APP: variants seen among roughly 807,000 people sequenced by gnomAD.
The protein encoded by APP is amyloid-beta precursor protein.
Under a neutral mutation model 101.4 loss-of-function variants are expected in APP, and 31 were observed. The ratio of observed to expected loss-of-function variants is 0.31; its 90% CI spans 0.23 to 0.41. The LOEUF is 0.41. Ranked by LOEUF, APP falls within the 10% of genes least tolerant of loss-of-function variation. APP has a pLI of 1.00. For missense variants in APP, 839 were observed against 1,003.7 expected (o/e 0.84, Z 2.22); for synonymous variants, 366 against 364.4 (o/e 1.00, Z -0.05).
intron 17 of APP, among the ~76,000 whole-genome samples, chr21:25,891,099 T>C (rs1049265949): frequency 6.6e-6 from 1 of 152,202 alleles, no homozygotes; most frequent in Non-Finnish European, 1.5e-5. Context: ...TCTTTCTTGT[T>C]TTAGTATAGC....
intron 3 of APP, among the ~76,000 whole-genome samples, chr21:26,058,053 G>A (rs45539031): frequency 0.024 from 3,636 of 152,272 alleles, 129 homozygotes; most frequent in African/African-American, 0.084. Context: ...TGACACTGAA[G>A]CTAGGGCCAC....
At chr21:25,983,454 G>A (rs2042517398) in intron 8 of APP, among the ~76,000 whole-genome samples, 1 of 151,958 alleles carries the variant, frequency 6.6e-6, no homozygotes, top group Non-Finnish European at 1.5e-5. Flanking sequence ...ATTACATTTG[G>A]GATATAATAT....
chr21:26,000,385 G>C (rs1032935192), intron 6 of APP, among the ~76,000 whole-genome samples: 25 of 152,192 alleles, frequency 1.6e-4, no homozygotes, highest in African/African-American at 6.0e-4. Context: ...ACTGTCATCT[G>C]GTTTAATGAG....
intron 15 of APP, among the ~76,000 whole-genome samples, chr21:25,904,747 AG>A (rs2038697196): frequency 6.6e-6 from 1 of 151,628 alleles, no homozygotes; most frequent in African/African-American, 2.4e-5. Context: ...TTTGTTTTAA[AG>A]AAAAAAGAAA....
chr21:25,967,521 C>A (rs901850794), intron 11 of APP, among the ~76,000 whole-genome samples: 4 of 152,190 alleles, frequency 2.6e-5, no homozygotes, highest in Non-Finnish European at 5.9e-5. Flanking sequence ...ATCTTTAAAA[C>A]AGTTCAAGTC....
intron 1 of APP, among the ~76,000 whole-genome samples, chr21:26,125,386 G>A (rs921156890): frequency 6.6e-6 from 1 of 152,118 alleles, no homozygotes; most frequent in Non-Finnish European, 1.5e-5. Flanking sequence ...GTATATTCAT[G>A]ATTATTATCT....
At chr21:26,039,398 G>A (rs190410004) in intron 5 of APP, among the ~76,000 whole-genome samples, 19 of 152,198 alleles carry the variant, frequency 1.2e-4, no homozygotes, top group African/African-American at 4.6e-4. Context: ...GGTCTCAAAT[G>A]TAAAAGAAAA....
intron 2 of APP, among the ~76,000 whole-genome samples, chr21:26,095,647 G>A (rs922585153): frequency 2.0e-5 from 3 of 152,132 alleles, no homozygotes; most frequent in African/African-American, 7.2e-5. Flanking sequence ...TGGGGGTCTT[G>A]GAAGTTATCC....
intron 11 of APP, among the ~76,000 whole-genome samples, chr21:25,962,502 T>C (rs2041623414): frequency 6.6e-6 from 1 of 152,150 alleles, no homozygotes; most frequent in South Asian, 2.1e-4. Flanking sequence ...ATATCCTTCA[T>C]AGTCTTCAAG....
chr21:25,974,040 C>T (rs1035374487), intron 11 of APP, among the ~76,000 whole-genome samples: 1 of 151,658 alleles, frequency 6.6e-6, no homozygotes, highest in Non-Finnish European at 1.5e-5. Context: ...CACAGAATGC[C>T]GGTGAACACA....
intron 16 of APP, among the ~76,000 whole-genome samples, chr21:25,897,003 T>A (rs1001355363): frequency 6.6e-6 from 1 of 152,238 alleles, no homozygotes; most frequent in African/African-American, 2.4e-5. Flanking sequence ...TAAACCTATT[T>A]TCCCAGAAAA....
chr21:26,080,944 G>C (rs564235249), intron 3 of APP, among the ~76,000 whole-genome samples: 1 of 152,058 alleles, frequency 6.6e-6, no homozygotes, highest in Admixed American at 6.5e-5. Flanking sequence ...TATTTATGGG[G>C]AAAAAATGTT....
At chr21:25,924,664 C>A (rs979235821) in intron 13 of APP, among the ~76,000 whole-genome samples, 4 of 122 alleles carry the variant, frequency 0.033, no homozygotes, top group Admixed American at 0.2. Flanking sequence ...CTAATGCATG[C>A]GGAGTTAAAA....
chr21:25,980,037 CG>C (rs1334308666), intron 9 of APP, among the ~76,000 whole-genome samples: 1 of 152,082 alleles, frequency 6.6e-6, no homozygotes, highest in Non-Finnish European at 1.5e-5. Flanking sequence ...GATGTGTCAG[CG>C]TGAAGAAGAG....
At chr21:26,157,258 C>T (rs906249179) in intron 1 of APP, among the ~76,000 whole-genome samples, 19 of 152,020 alleles carry the variant, frequency 1.2e-4, no homozygotes, top group East Asian at 5.8e-4. Context: ...TTTGTAGAGA[C>T]GGGGTTTCAC....
chr21:26,091,204 T>C (rs113836311), intron 2 of APP, among the ~76,000 whole-genome samples: 9 of 152,094 alleles, frequency 5.9e-5, no homozygotes, highest in African/African-American at 2.2e-4. Flanking sequence ...TGCTGGGCCA[T>C]GCAATCTCAA....
rs981042117 is a variant in APP at position 26,139,514 on chromosome 21, T to A, written c.58-27368A>T. Among the ~76,000 whole-genome samples the A allele has an allele frequency of 2.0e-5, 3 of 152,346 alleles. No homozygotes were observed. The East Asian group carries it at 5.8e-4, about 29-fold the overall frequency. On this transcript the variant is annotated intron_variant, in intron 1 of 17. Coordinates refer to ENST00000346798, the MANE Select transcript of APP (RefSeq NM_000484.4). Reference sequence around the variant, plus strand: ...CCCAGAAAACGGTTTGAGAACTATGTGTTTATACTATGGCTAATTCTTGCA... The same window carrying A: ...CCCAGAAAACGGTTTGAGAACTATGAGTTTATACTATGGCTAATTCTTGCA...
intron 13 of APP, among the ~76,000 whole-genome samples, chr21:25,912,921 TTC>T (rs2039155828): frequency 6.6e-6 from 1 of 152,220 alleles, no homozygotes; most frequent in Admixed American, 6.5e-5. Context: ...CACCATGTTT[TTC>T]TCTGATTTTT....
chr21:26,159,857 A>C (rs921973457), intron 1 of APP, among the ~76,000 whole-genome samples: 2 of 152,224 alleles, frequency 1.3e-5, no homozygotes, highest in Non-Finnish European at 2.9e-5. Context: ...ATTCACAATG[A>C]TATAAATTTA....
Sources: allele counts gnomAD v4.1 joint callset (sites outside exome capture counted in the v4.1 genomes callset), GRCh38; gene constraint gnomAD v4.1.1; transcripts MANE v1.5; gene names NCBI Gene and HGNC (gene_info 2026-07-23, HGNC 2026-07-21).